The following PLCH2 variants were observed in gnomAD, a reference collection of about 807,000 sequenced individuals.
The protein encoded by PLCH2 is 1-phosphatidylinositol 4,5-bisphosphate phosphodiesterase eta-2.
In PLCH2, 98 loss-of-function variants were observed where a neutral mutation model predicts 134.7. The observed-to-expected ratio is 0.73, with a 90% CI of 0.62 to 0.86. The LOEUF is 0.86. Ranked by LOEUF, PLCH2 falls within the 40% of genes least tolerant of loss-of-function variation. The pLI is 0.00. For synonymous variants in PLCH2, 974 were observed against 827.5 expected (o/e 1.18, Z -3.04); for missense variants, 1,994 against 1,986.6 (o/e 1.00, Z -0.07).
At chr1:2,431,132 C>G (rs1281260271) in intron 2 of PLCH2, among the ~76,000 whole-genome samples, 2 of 152,140 alleles carry the variant, frequency 1.3e-5, no homozygotes, top group African/African-American at 2.4e-5. Context: ...GCTGGCTGCC[C>G]TGCGTGTGCG....
chr1:2,429,626 G>A (rs1024447109), intron 1 of PLCH2, among the ~76,000 whole-genome samples: 7 of 152,186 alleles, frequency 4.6e-5, no homozygotes, highest in East Asian at 1.9e-4. Context: ...TCAGCCAAGC[G>A]GGGCTGCCCT....
At chr1:2,478,238 C>A (rs1641745279) in intron 1 of PLCH2, among the ~76,000 whole-genome samples, 1 of 152,170 alleles carries the variant, frequency 6.6e-6, no homozygotes, top group Non-Finnish European at 1.5e-5. Context: ...CAGGGCCCAG[C>A]TGAGCTGTGT....
chr1:2,465,047 G>A (rs1640991711), upstream of PLCH2, among the ~76,000 whole-genome samples: 1 of 152,168 alleles, frequency 6.6e-6, no homozygotes, highest in Non-Finnish European at 1.5e-5. Flanking sequence ...GAGCAGGTGT[G>A]CAGTGTTTCC....
rs543737133 is a variant in PLCH2, at chr1:2,502,266, C to T, written c.2816C>T (p.Pro939Leu). ...TASAPTKSQKPGRRGFPELVL... is the reference protein window; with the variant it reads ...TASAPTKSQKLGRRGFPELVL... ...AGCGCCCCGACCAAGAGCCAGAAGC[C>T]GGGCCGCAGGGGCTTCCCGGAGCTG... The change falls in exon 21 of 22, where the codon CCG becomes CTG. Residue 939 changes from proline (P) to leucine (L), a missense_variant. Physicochemically the swap from Pro to Leu is moderately conservative, Grantham distance 98. This residue lies in a region of PLCH2 where 900 missense variants were observed against 752.3 expected (regional missense o/e 1.20). Coordinates refer to ENST00000378486, the MANE Select transcript of PLCH2 (RefSeq NM_014638.4). 113 of 1,540,934 alleles carry T rather than the reference C, an allele frequency of 7.3e-5. 1 individual carries two copies. The South Asian group carries it at 1.1e-3, about 15-fold the overall frequency.
At position 2,440,621 on chromosome 1, in the gene PLCH2, C is replaced by T. The variant is rs34166758; in HGVS notation, c.115+9992C>T. 6.9e-4 allele frequency among the ~76,000 whole-genome samples: 51 copies of T among 73,826 alleles called. 5 individuals carry two copies. Among genetic ancestry groups the T allele is most frequent in the East Asian group, 3.5e-3 (4 of 1,158 alleles). The allele number at this position is 73,826 out of a possible 152,430, so 48.4% of individuals were successfully genotyped here. A position where few individuals can be genotyped will look rare whatever the true frequency, so the allele number is the denominator to read the frequency against. On this transcript the variant is annotated intron_variant, in intron 2 of 3. Coordinates refer to the PLCH2 transcript ENST00000609981. The stretch of plus-strand genomic sequence containing the variant: ...ATCCTCTCTCCATGTCTGTCGCTGG[C>T]CTTGCCCGGCCCGCCAGGGGATCTT...
intron 2 of PLCH2, among the ~76,000 whole-genome samples, chr1:2,431,756 C>T (rs1380895570): frequency 3.3e-5 from 5 of 152,282 alleles, no homozygotes; most frequent in South Asian, 2.1e-4. Flanking sequence ...CCTGCCTCTC[C>T]GTTCCTACCC....
At chr1:2,424,316 C>T (rs1369748011), upstream of PLCH2, among the ~76,000 whole-genome samples, 1 of 151,924 alleles carries the variant, frequency 6.6e-6, no homozygotes, top group African/African-American at 2.4e-5. Context: ...TCCCCCAAAC[C>T]ACAAAACATA....
At chr1:2,467,941 G>A (rs950699748) in intron 1 of PLCH2, among the ~76,000 whole-genome samples, 1 of 152,228 alleles carries the variant, frequency 6.6e-6, no homozygotes, top group Admixed American at 6.5e-5. Context: ...GTGCTGACAC[G>A]TGAAAGCGAG....
chr1:2,495,481 C>T lies in PLCH2; in HGVS notation c.1753-7C>T, dbSNP rs111845387. On this transcript the variant is annotated splice_region_variant and splice_polypyrimidine_tract_variant and intron_variant, in intron 12 of 21. Transcript: ENST00000378486. ...CCCTACAGCTCACACCTCTGCCCCC[C>T]GCACAGAAGAAGGGCAGCAAGCTGA... 3.2e-5 allele frequency: 50 copies of T among 1,550,980 alleles called. No homozygotes were observed. In the African/African-American group the frequency reaches 4.1e-4, roughly 13 times the overall value.
At chr1:2,495,389 G>A in intron 12 of PLCH2, 99 bp from the exon 13 acceptor site, 2 of 1,001,994 alleles carry the variant, frequency 2.0e-6, no homozygotes, top group Non-Finnish European at 3.0e-6. Flanking sequence ...GTGGGCCGCT[G>A]GGGACCCCGG....
chr1:2,464,526 G>A (rs1640965461), upstream of PLCH2, among the ~76,000 whole-genome samples: 1 of 152,230 alleles, frequency 6.6e-6, no homozygotes, highest in Non-Finnish European at 1.5e-5. Flanking sequence ...GTGCCCTGGG[G>A]CAGGGGCCAC....
intron 2 of PLCH2, among the ~76,000 whole-genome samples, chr1:2,431,856 G>A (rs1184973104): frequency 2.0e-5 from 3 of 152,176 alleles, no homozygotes; most frequent in African/African-American, 7.2e-5. Flanking sequence ...CATCCTGGGG[G>A]CCTTTCTGGG....
Position 2,467,465 on chromosome 1 carries a change from C to A in PLCH2, c.-155C>A, listed in dbSNP as rs551727003. On this transcript the variant is annotated 5_prime_UTR_variant, in exon 1 of 22. Transcript: ENST00000449969. ...TCGCCTTCCTCACCTTCCTCACGGG[C>A]GGGCGCGGCAGGGCAGCGTGTGGGG... is the stretch of plus-strand genomic sequence containing the variant. 8.0e-4 allele frequency: 316 copies of A among 392,810 alleles called. 2 individuals are homozygous for A. The highest frequency in any genetic ancestry group is 6.0e-3 in the African/African-American group (291 of 48,402). 24.3% of individuals were successfully genotyped at this position (392,810 alleles called of 1,614,324 possible).
chr1:2,482,990 AG>A (rs1039142186), intron 4 of PLCH2, among the ~76,000 whole-genome samples: 8 of 152,060 alleles, frequency 5.3e-5, no homozygotes, highest in Admixed American at 1.3e-4. Context: ...GCCCCCTTGG[AG>A]CCCCTGGGTG....
chr1:2,448,587 T>G lies in PLCH2; in HGVS notation c.115+17958T>G, dbSNP rs942876232. ...AAATTCACAGGCTCTGGGATGCGGA[T>G]GTGTTTTCTGTCGGGGGTCGCCCTT... On this transcript the variant is annotated intron_variant, in intron 2 of 3. Coordinates refer to the PLCH2 transcript ENST00000609981. This position sits in a 1 kb window ranked among gnomAD's most constrained non-coding sequence, Gnocchi z 4.0. Among the ~76,000 whole-genome samples, 1 of 152,194 alleles carries G rather than the reference T, an allele frequency of 6.6e-6. No individual in the cohort carries two copies. Among genetic ancestry groups the G allele is most frequent in the Non-Finnish European group, 1.5e-5 (1 of 68,030 alleles).
At chr1:2,428,431 C>A (rs1638903086) in intron 1 of PLCH2, among the ~76,000 whole-genome samples, 1 of 152,236 alleles carries the variant, frequency 6.6e-6, no homozygotes, top group Non-Finnish European at 1.5e-5. Flanking sequence ...CACGGTGGCT[C>A]TCAGGGCAGG....
At chr1:2,449,679 C>G (rs1449959132) in intron 2 of PLCH2, among the ~76,000 whole-genome samples, 1 of 152,168 alleles carries the variant, frequency 6.6e-6, no homozygotes, top group Non-Finnish European at 1.5e-5. Context: ...GGCTCTGGAG[C>G]TGGGCAGACT....
Position 2,451,766 on chromosome 1 carries a change from C to T in PLCH2, c.115+21137C>T, listed in dbSNP as rs374643221. ...GGGCTGGGCAGCGAGTTGGCCCCAC[C>T]GGCCTGGGACCCTAACGTGCTCTTG... On this transcript the variant is annotated intron_variant, in intron 2 of 3. Transcript: ENST00000609981. Among the ~76,000 whole-genome samples, 8 of 152,262 alleles carry T rather than the reference C, an allele frequency of 5.3e-5. No individual in the cohort carries two copies. In the East Asian group the frequency reaches 5.8e-4, roughly 11 times the overall value.
At chr1:2,503,777 G>C in intron 21 of PLCH2, 145 bp from the exon 22 acceptor site, 1 of 614,468 alleles carries the variant, frequency 1.6e-6, no homozygotes, top group Non-Finnish European at 2.9e-6. Flanking sequence ...GGGATGCCTC[G>C]GGGTGGGAGC....
Sources: gnomAD v4.1 joint callset for allele counts (sites outside exome capture counted in the v4.1 genomes callset) on GRCh38, gnomAD v4.1.1 for gene constraint, gnomAD v4.1.1 regional missense constraint, Gnocchi (gnomAD v3.1) non-coding constraint, MANE v1.5 for transcripts, NCBI Gene and HGNC (gene_info 2026-07-23, HGNC 2026-07-21) for gene names.